Variants in CADM2 observed in about 807,000 individuals in gnomAD.
CADM2 encodes the protein cell adhesion molecule 2.
A neutral mutation model predicts 49.8 loss-of-function variants in CADM2; 12 were observed. That is an observed-to-expected ratio of 0.24 (90% CI 0.15 to 0.39). The LOEUF (loss-of-function observed/expected upper bound fraction) is 0.39, where lower values mean the gene tolerates loss of function less well. Ranked by LOEUF, CADM2 falls within the 10% of genes least tolerant of loss-of-function variation. The pLI is 1.00. For synonymous variants in CADM2, 214 were observed against 175.4 expected (o/e 1.22, Z -1.74); for missense variants, 378 against 492.3 (o/e 0.77, Z 2.20).
chr3:85,996,128 AAT>A (rs1413990933), intron 8 of CADM2, among the ~76,000 whole-genome samples: 1 of 150,660 alleles, frequency 6.6e-6, no homozygotes, highest in Non-Finnish European at 1.5e-5. Flanking sequence ...AATAAAATAA[AAT>A]ATAAGATTTT....
intron 1 of CADM2, among the ~76,000 whole-genome samples, chr3:85,323,260 C>T (rs2044662979): frequency 1.3e-5 from 2 of 152,112 alleles, no homozygotes; most frequent in African/African-American, 4.8e-5. Flanking sequence ...TGGCTAAATT[C>T]AAAGGAAATC....
intron 1 of CADM2, among the ~76,000 whole-genome samples, chr3:85,317,976 T>A (rs1289467012): frequency 6.6e-6 from 1 of 152,022 alleles, no homozygotes. Flanking sequence ...AATTTTAAAC[T>A]ATGGGTTAAG....
chr3:85,266,398 T>C (rs987437331), intron 1 of CADM2, among the ~76,000 whole-genome samples: 1 of 151,854 alleles, frequency 6.6e-6, no homozygotes, highest in Non-Finnish European at 1.5e-5. Context: ...TGGGTTATAG[T>C]AGATAATAGA....
intron 1 of CADM2, among the ~76,000 whole-genome samples, chr3:85,571,044 G>C (rs1287515218): frequency 6.6e-6 from 1 of 152,164 alleles, no homozygotes; most frequent in African/African-American, 2.4e-5. Flanking sequence ...GGGCTCATAA[G>C]TGAAGCCGCT....
intron 1 of CADM2, among the ~76,000 whole-genome samples, chr3:84,972,831 T>A (rs1430445069): frequency 1.3e-5 from 2 of 152,076 alleles, no homozygotes; most frequent in African/African-American, 4.8e-5. Context: ...CCTTATGGAG[T>A]TTACAGTCTA....
chr3:86,039,846 C>T (rs1344625883), intron 8 of CADM2, among the ~76,000 whole-genome samples: 10 of 152,186 alleles, frequency 6.6e-5, no homozygotes, highest in Non-Finnish European at 1.3e-4. Context: ...TAGGGGCAGA[C>T]TGACAACACA....
chr3:85,272,177 A>G (rs1247738887), intron 1 of CADM2, among the ~76,000 whole-genome samples: 1 of 151,212 alleles, frequency 6.6e-6, no homozygotes, highest in Non-Finnish European at 1.5e-5. Context: ...AGTCCAAGCC[A>G]AAATGGAATG....
At chr3:85,858,670 A>G (rs1260830050) in intron 3 of CADM2, among the ~76,000 whole-genome samples, 3 of 152,246 alleles carry the variant, frequency 2.0e-5, no homozygotes, top group Non-Finnish European at 4.4e-5. Context: ...TGAGTTGAAT[A>G]CAATTACACT....
chr3:85,752,034 A>T (rs1424185396), intron 2 of CADM2, among the ~76,000 whole-genome samples: 1 of 152,036 alleles, frequency 6.6e-6, no homozygotes, highest in Non-Finnish European at 1.5e-5. Flanking sequence ...ATAGAATTTA[A>T]CAAAGAGATG....
At chr3:85,293,987 G>A (rs1325855084) in intron 1 of CADM2, among the ~76,000 whole-genome samples, 2 of 152,102 alleles carry the variant, frequency 1.3e-5, no homozygotes, top group Middle Eastern at 3.4e-3. Flanking sequence ...TAGGAAAAGA[G>A]GAAGTCAAAT....
At chr3:85,348,733 G>C (rs2031028748) in intron 1 of CADM2, among the ~76,000 whole-genome samples, 1 of 152,118 alleles carries the variant, frequency 6.6e-6, no homozygotes, top group Admixed American at 6.6e-5. Flanking sequence ...CTATTAAAAT[G>C]TGAGAGTTTT....
intron 8 of CADM2, among the ~76,000 whole-genome samples, chr3:86,025,328 A>AT (rs1733756303): frequency 6.6e-6 from 1 of 152,148 alleles, no homozygotes; most frequent in African/African-American, 2.4e-5. Flanking sequence ...AAGTGCAGGG[A>AT]TTACAGGCAT....
intron 1 of CADM2, among the ~76,000 whole-genome samples, chr3:85,536,659 A>C (rs2061429221): frequency 6.6e-6 from 1 of 152,112 alleles, no homozygotes; most frequent in Admixed American, 6.6e-5. Flanking sequence ...GAATCTTTGT[A>C]GTGACCTTGA....
intron 1 of CADM2, among the ~76,000 whole-genome samples, chr3:85,019,904 A>T (rs1349560450): frequency 6.6e-6 from 1 of 152,154 alleles, no homozygotes; most frequent in East Asian, 1.9e-4. Context: ...TAGATTCTAA[A>T]ACAGCTACGA....
rs201237140 is a variant in CADM2 at position 85,949,205 on chromosome 3, T to TA, written c.792-12259dup. Among the ~76,000 whole-genome samples, 1,129 of 151,208 alleles carry TA rather than the reference T, an allele frequency of 7.5e-3. 17 individuals carry two copies. The highest frequency in any genetic ancestry group is 0.026 in the African/African-American group (1,069 of 41,318). On this transcript the variant is annotated intron_variant, in intron 7 of 9. Coordinates refer to ENST00000383699, the MANE Select transcript of CADM2 (RefSeq NM_001167675.2). ...AAAATCAATTTATATGACTTTTTTT[T>TA]AAAAAGAAAATAATAGAAAAGGAAA... is the stretch of plus-strand genomic sequence containing the variant.
chr3:85,710,609 T>A (rs1235183833), intron 1 of CADM2, among the ~76,000 whole-genome samples: 2 of 152,152 alleles, frequency 1.3e-5, no homozygotes, highest in Non-Finnish European at 2.9e-5. Context: ...TGAGGACAGT[T>A]TAATACAGAA....
chr3:85,454,348 A>T (rs560694598), intron 1 of CADM2, among the ~76,000 whole-genome samples: 5 of 152,096 alleles, frequency 3.3e-5, no homozygotes, highest in African/African-American at 9.6e-5. Context: ...AAAAGTTTTT[A>T]AAAAAATGCA....
intron 8 of CADM2, among the ~76,000 whole-genome samples, chr3:85,978,126 A>C (rs961461554): frequency 6.6e-6 from 1 of 151,632 alleles, no homozygotes; most frequent in African/African-American, 2.4e-5. Context: ...ACTGTTTCTA[A>C]TTTCCTCACT....
chr3:85,550,509 A>G (rs1160110891), intron 1 of CADM2, among the ~76,000 whole-genome samples: 6 of 152,208 alleles, frequency 3.9e-5, no homozygotes, highest in African/African-American at 4.8e-5. Flanking sequence ...TGTTTCAACA[A>G]TTCCTCTGGG....
Sources: allele counts gnomAD v4.1 joint callset (sites outside exome capture counted in the v4.1 genomes callset), GRCh38; gene constraint gnomAD v4.1.1; transcripts MANE v1.5; gene names NCBI Gene and HGNC (gene_info 2026-07-23, HGNC 2026-07-21).